The following DST variants were observed in gnomAD, a reference collection of about 807,000 sequenced individuals.
DST encodes dystonin.
A neutral mutation model predicts 875.2 loss-of-function variants in DST; 253 were observed. The observed-to-expected ratio is 0.29, with a 90% CI of 0.26 to 0.32. DST has a LOEUF of 0.32. Ranked by LOEUF, DST falls within the 10% of genes least tolerant of loss-of-function variation. The pLI is 1.00. For missense variants in DST, 8,287 were observed against 9,111.6 expected, an observed-to-expected ratio of 0.91 and a Z score of 3.68; for synonymous variants, 3,124 against 3,197.1, an observed-to-expected ratio of 0.98 and a Z score of 0.77.
intron 3 of DST, among the ~76,000 whole-genome samples, chr6:56,876,076 T>C (rs1779518005): frequency 6.6e-6 from 1 of 152,136 alleles, no homozygotes; most frequent in Non-Finnish European, 1.5e-5. Context: ...CTGCTTCTCC[T>C]GCATGTCTCA....
chr6:56,593,787 A>T lies in DST; in HGVS notation c.12602T>A (p.Val4201Glu). ...LRYITISGNR[V>E]LEAAKSCSKR... ...GCTGCAAGATTTGGCAGCTTCCAAC[A>T]CTCTGTTTCCAGAAATTGTGATGTA... The change falls in exon 48 of 104, where the codon GTG becomes GAG. Residue 4201 changes from valine (V) to glutamate (E), a missense_variant. Physicochemically the swap from Val to Glu is moderately radical, Grantham distance 121. Around this residue, in one of 10 missense-constraint regions of DST, gnomAD observed 1,513 missense variants for 1,677.8 expected, o/e 0.90. Transcript: ENST00000680361. 6.2e-7 allele frequency: 1 copy of T among 1,613,688 alleles called. No homozygotes were observed. Among genetic ancestry groups the T allele is most frequent in the Non-Finnish European group, 8.5e-7 (1 of 1,179,816 alleles).
At chr6:56,674,391 G>C (rs979205372) in intron 9 of DST, among the ~76,000 whole-genome samples, 1 of 151,636 alleles carries the variant, frequency 6.6e-6, no homozygotes, top group Non-Finnish European at 1.5e-5. Flanking sequence ...TCCACCTCCC[G>C]GGTTCAAGTG....
At chr6:56,480,883 T>C (rs2095379722) in intron 90 of DST, among the ~76,000 whole-genome samples, 1 of 152,136 alleles carries the variant, frequency 6.6e-6, no homozygotes, top group Non-Finnish European at 1.5e-5. Context: ...CAAACCTAAG[T>C]ATGTTAATGG....
Position 56,704,350 on chromosome 6 carries a change from T to C in DST, c.707A>G (p.Asp236Gly). ...HLMKVRKHVNDLYEDLRDGHN... is the reference protein window; with the variant it reads ...HLMKVRKHVNGLYEDLRDGHN... ...TCCATCCCTTAAGTCTTCATAGAGA[T>C]CATTCACATGTTTTCGAACCTATAA... is the stretch of plus-strand genomic sequence containing the variant. Residue 236 changes from aspartate (D) to glycine (G), a missense_variant, in exon 6 of 104, where the codon GAT (aspartate) becomes GGT (glycine). By Grantham distance (94) the Asp-to-Gly change is moderately conservative (BLOSUM62 -1). This residue lies in a region of DST where 1,160 missense variants were observed against 1,424.3 expected (regional missense o/e 0.81). Transcript: ENST00000680361. 1 of 1,569,588 alleles carries C rather than the reference T, an allele frequency of 6.4e-7. No homozygotes were observed. Among genetic ancestry groups the C allele is most frequent in the Non-Finnish European group, 8.7e-7 (1 of 1,155,934 alleles).
intron 71 of DST, 101 bp from the exon 72 acceptor site, chr6:56,515,769 T>C (rs929249397): frequency 2.6e-6 from 2 of 779,360 alleles, no homozygotes; most frequent in African/African-American, 3.5e-5. Context: ...GAGTGGGCGT[T>C]TGACAAATAT....
At chr6:56,707,283 C>G (rs2099344931) in intron 5 of DST, among the ~76,000 whole-genome samples, 1 of 152,156 alleles carries the variant, frequency 6.6e-6, no homozygotes, top group Non-Finnish European at 1.5e-5. Flanking sequence ...AAAAACAAGG[C>G]AGAAAAGCTA....
chr6:56,934,388 AT>A (rs970800483), intron 2 of DST, among the ~76,000 whole-genome samples: 2 of 151,614 alleles, frequency 1.3e-5, no homozygotes, highest in African/African-American at 4.8e-5. Context: ...TATTTTTTTA[AT>A]TTGGAAAGCT....
intron 2 of DST, among the ~76,000 whole-genome samples, chr6:56,946,196 G>A (rs1251571432): frequency 6.6e-6 from 1 of 152,158 alleles, no homozygotes; most frequent in East Asian, 1.9e-4. Flanking sequence ...GTGTTGTCTA[G>A]AAACCAGGAA....
At chr6:56,763,881 A>G (rs974545597) in intron 4 of DST, among the ~76,000 whole-genome samples, 1 of 152,098 alleles carries the variant, frequency 6.6e-6, no homozygotes, top group African/African-American at 2.4e-5. Flanking sequence ...TAAGTACACA[A>G]TGACCTAAGG....
intron 4 of DST, among the ~76,000 whole-genome samples, chr6:56,822,340 A>C (rs150692497): frequency 5.0e-4 from 76 of 152,288 alleles, no homozygotes; most frequent in African/African-American, 1.8e-3. Flanking sequence ...TGGTACAGGA[A>C]GAAGAAACCA....
chr6:56,893,078 T>A (rs1788385232), intron 3 of DST, among the ~76,000 whole-genome samples: 1 of 152,188 alleles, frequency 6.6e-6, no homozygotes, highest in Non-Finnish European at 1.5e-5. Context: ...TTAGTGGTGA[T>A]TTGTGAGATT....
intron 4 of DST, among the ~76,000 whole-genome samples, chr6:56,737,058 G>A (rs746653682): frequency 1.3e-5 from 2 of 152,182 alleles, no homozygotes; most frequent in Non-Finnish European, 2.9e-5. Context: ...GCCAGACATG[G>A]TGGCATGCAC....
intron 2 of DST, among the ~76,000 whole-genome samples, chr6:56,937,627 C>T (rs1049388593): frequency 1.3e-5 from 2 of 152,134 alleles, no homozygotes; most frequent in African/African-American, 4.8e-5. Context: ...ACTTACCATA[C>T]AACCTAGCAA....
intron 95 of DST, among the ~76,000 whole-genome samples, chr6:56,470,771 T>C (rs2094845471): frequency 7.2e-6 from 1 of 138,314 alleles, no homozygotes; most frequent in Non-Finnish European, 1.6e-5. Context: ...CTATTACACA[T>C]ATGCCAGGCA....
intron 34 of DST, 56 bp downstream of exon 34, chr6:56,627,148 A>G (rs927052116): frequency 1.7e-5 from 22 of 1,259,938 alleles, no homozygotes; most frequent in Non-Finnish European, 2.3e-5. Flanking sequence ...TTAACAGTAC[A>G]TGTAGAATCA....
At chr6:56,914,848 C>T (rs970146385) in intron 2 of DST, among the ~76,000 whole-genome samples, 1 of 152,102 alleles carries the variant, frequency 6.6e-6, no homozygotes, top group African/African-American at 2.4e-5. Flanking sequence ...GTAACAGTAA[C>T]CATATGAAAA....
chr6:56,688,708 C>T (rs1032388884), intron 9 of DST, among the ~76,000 whole-genome samples: 1 of 152,164 alleles, frequency 6.6e-6, no homozygotes, highest in African/African-American at 2.4e-5. Context: ...GATCATCACC[C>T]CAGGTGACTA....
Position 56,552,460 on chromosome 6 carries a change from T to A in DST, c.16332A>T (p.Lys5444Asn). 1 of 1,613,974 alleles carries A rather than the reference T, an allele frequency of 6.2e-7. No homozygotes were observed. Among genetic ancestry groups the A allele is most frequent in the Non-Finnish European group, 8.5e-7 (1 of 1,179,872 alleles). The change falls in exon 61 of 104, where the codon AAA (lysine) becomes AAT (asparagine). Residue 5444 changes from lysine to asparagine, a missense_variant. By Grantham distance (94) the Lys-to-Asn change is moderately conservative. Transcript: ENST00000680361. ...CTGTGGCTAACATCATCTTGCAGGT[T>A]TTATTGGCATTGTCATTGCTTGCCA... ...ALMASNDNANKTCKMMLATEE... is the reference protein window; with the variant it reads ...ALMASNDNANNTCKMMLATEE...
intron 2 of DST, among the ~76,000 whole-genome samples, chr6:56,909,890 C>T (rs1312872522): frequency 6.6e-6 from 1 of 152,014 alleles, no homozygotes; most frequent in Non-Finnish European, 1.5e-5. Context: ...AGGATTAGAG[C>T]AATTTAACTG....
Sources: allele counts gnomAD v4.1 joint callset (sites outside exome capture counted in the v4.1 genomes callset), GRCh38; gene constraint gnomAD v4.1.1; regional missense constraint gnomAD v4.1.1; transcripts MANE v1.5; gene names NCBI Gene and HGNC (gene_info 2026-07-23, HGNC 2026-07-21).